THEMIS: variants seen among roughly 807,000 people sequenced by gnomAD.
THEMIS encodes thymocyte selection associated.
A neutral mutation model predicts 52.6 loss-of-function variants in THEMIS; 37 were observed. The ratio of observed to expected loss-of-function variants is 0.70; its 90% CI spans 0.54 to 0.93. The LOEUF (loss-of-function observed/expected upper bound fraction) is 0.93, where lower values mean the gene tolerates loss of function less well. THEMIS is among the 40% of genes least tolerant of loss of function. The pLI, the probability that THEMIS is intolerant of heterozygous loss-of-function variation, is 0.00. For synonymous variants in THEMIS, 292 were observed against 272.7 expected (o/e 1.07, Z -0.70); for missense variants, 808 against 763.1 (o/e 1.06, Z -0.69).
intron 4 of THEMIS, among the ~76,000 whole-genome samples, chr6:127,775,198 GTTCTTAGCCTGCT>G (rs1434530814): frequency 2.0e-5 from 3 of 152,174 alleles, no homozygotes; most frequent in African/African-American, 7.2e-5. Context: ...GCTGCATAGT[GTTCTTAGCCTGCT>G]TTCTGCCCAT....
At chr6:127,863,083 C>G (rs1444025806) in intron 1 of THEMIS, among the ~76,000 whole-genome samples, 2 of 152,120 alleles carry the variant, frequency 1.3e-5, no homozygotes, top group African/African-American at 4.8e-5. Flanking sequence ...TACAGAACCC[C>G]TCATTCAATC....
intron 4 of THEMIS, 125 bp from the exon 5 acceptor site, chr6:127,719,948 CA>C: frequency 8.0e-7 from 1 of 1,247,386 alleles, no homozygotes; most frequent in East Asian, 2.5e-5. Flanking sequence ...CATGTCAAAG[CA>C]AGCTACAAAT....
chr6:127,784,715 C>T (rs768718670), intron 4 of THEMIS, among the ~76,000 whole-genome samples: 7 of 152,052 alleles, frequency 4.6e-5, no homozygotes, highest in Non-Finnish European at 1.0e-4. Flanking sequence ...AATGTACTAC[C>T]CAGATGAGGT....
intron 4 of THEMIS, among the ~76,000 whole-genome samples, chr6:127,801,485 A>T (rs2114562812): frequency 6.6e-6 from 1 of 152,278 alleles, no homozygotes; most frequent in African/African-American, 2.4e-5. Flanking sequence ...TATTGACTGG[A>T]AAAGAATGGG....
chr6:127,836,855 TTTG>T (rs1778888719), intron 2 of THEMIS, among the ~76,000 whole-genome samples: 1 of 152,090 alleles, frequency 6.6e-6, no homozygotes, highest in South Asian at 2.1e-4. Flanking sequence ...CTCTGGAAGC[TTTG>T]ACCTGGTACC....
intron 3 of THEMIS, among the ~76,000 whole-genome samples, chr6:127,814,700 C>T (rs1447530573): frequency 6.6e-6 from 1 of 152,164 alleles, no homozygotes; most frequent in East Asian, 1.9e-4. Flanking sequence ...TTGCCTCATG[C>T]GTCACTGGGG....
At chr6:127,882,809 G>A (rs1780526429) in intron 1 of THEMIS, among the ~76,000 whole-genome samples, 1 of 151,780 alleles carries the variant, frequency 6.6e-6, no homozygotes, top group South Asian at 2.1e-4. Flanking sequence ...ACAATACTGT[G>A]ATTTTCAAAT....
chr6:127,729,999 G>A (rs1450835136), intron 4 of THEMIS, among the ~76,000 whole-genome samples: 3 of 152,134 alleles, frequency 2.0e-5, no homozygotes, highest in Non-Finnish European at 2.9e-5. Flanking sequence ...GCTGAGCATG[G>A]TGGCTCATGT....
chr6:127,769,693 A>G (rs887535113), intron 4 of THEMIS, among the ~76,000 whole-genome samples: 1 of 152,146 alleles, frequency 6.6e-6, no homozygotes, highest in Admixed American at 6.5e-5. Flanking sequence ...GGTTTGTTAC[A>G]TATGTATACA....
At chr6:127,763,002 G>A (rs1225442331) in intron 4 of THEMIS, among the ~76,000 whole-genome samples, 1 of 151,890 alleles carries the variant, frequency 6.6e-6, no homozygotes, top group Non-Finnish European at 1.5e-5. Context: ...CATTATATAA[G>A]TATGAAATAA....
At chr6:127,902,725 T>G (rs1781174714), upstream of THEMIS, among the ~76,000 whole-genome samples, 1 of 152,068 alleles carries the variant, frequency 6.6e-6, no homozygotes, top group Non-Finnish European at 1.5e-5. Flanking sequence ...TCCAAAAATG[T>G]CCTACCCTTG....
chr6:127,715,500 G>T (rs957344268), intron 5 of THEMIS, among the ~76,000 whole-genome samples: 2 of 151,796 alleles, frequency 1.3e-5, no homozygotes, highest in African/African-American at 4.8e-5. Context: ...TTTCAATTAA[G>T]GTCTTTAATA....
At chr6:127,763,645 C>A (rs1036004512) in intron 4 of THEMIS, among the ~76,000 whole-genome samples, 1 of 151,858 alleles carries the variant, frequency 6.6e-6, no homozygotes, top group Non-Finnish European at 1.5e-5. Context: ...TTATTGTAAA[C>A]TTCATTTTCT....
At chr6:127,742,272 G>A (rs377004165) in intron 4 of THEMIS, among the ~76,000 whole-genome samples, 1 of 147,554 alleles carries the variant, frequency 6.8e-6, no homozygotes, top group African/African-American at 2.5e-5. Flanking sequence ...CGGAGATCAT[G>A]CCACTGCACT....
At chr6:127,770,204 T>C (rs1406355240) in intron 4 of THEMIS, among the ~76,000 whole-genome samples, 1 of 152,208 alleles carries the variant, frequency 6.6e-6, no homozygotes, top group Non-Finnish European at 1.5e-5. Flanking sequence ...CCACACTGTC[T>C]TCCATAATGG....
intron 4 of THEMIS, among the ~76,000 whole-genome samples, chr6:127,791,821 C>T (rs1365328525): frequency 6.6e-6 from 1 of 152,180 alleles, no homozygotes; most frequent in African/African-American, 2.4e-5. Flanking sequence ...TTCAGTGCTG[C>T]CCCAAGCGTG....
intron 4 of THEMIS, among the ~76,000 whole-genome samples, chr6:127,730,355 A>AG (rs1426149838): frequency 4.6e-5 from 7 of 150,784 alleles, no homozygotes; most frequent in Admixed American, 4.0e-4. Context: ...AGAAGAGAAG[A>AG]AAAGAGAAGA....
intron 2 of THEMIS, among the ~76,000 whole-genome samples, chr6:127,845,428 C>T (rs2114708410): frequency 6.6e-6 from 1 of 151,956 alleles, no homozygotes; most frequent in East Asian, 1.9e-4. Context: ...TTGGTAAGAA[C>T]AGCAAACTTT....
At chr6:127,771,026 T>C (rs575003108) in intron 4 of THEMIS, among the ~76,000 whole-genome samples, 3 of 152,276 alleles carry the variant, frequency 2.0e-5, no homozygotes, top group African/African-American at 7.2e-5. Flanking sequence ...GAAAACCCCA[T>C]TGTCTCAGCC....
Sources: allele counts gnomAD v4.1 joint callset (sites outside exome capture counted in the v4.1 genomes callset), GRCh38; gene constraint gnomAD v4.1.1; transcripts MANE v1.5; gene names NCBI Gene and HGNC (gene_info 2026-07-23, HGNC 2026-07-21).